DLGAP1: variants seen among roughly 807,000 people sequenced by gnomAD.
The protein encoded by DLGAP1 is DLG associated protein 1, also known as disks large-associated protein 1.
Under a neutral mutation model 90.8 loss-of-function variants are expected in DLGAP1, and 11 were observed. That is an observed-to-expected ratio of 0.12 (90% CI 0.08 to 0.20). DLGAP1 has a LOEUF of 0.20. DLGAP1 is among the 10% of genes least tolerant of loss of function. The probability of loss-of-function intolerance (pLI) is 1.00; values close to 1 mark genes in which losing one functional copy is unlikely to be tolerated. For synonymous variants in DLGAP1, 558 were observed against 540.7 expected, an observed-to-expected ratio of 1.03 and a Z score of -0.44; for missense variants, 1,050 against 1,333.8, an observed-to-expected ratio of 0.79 and a Z score of 3.31.
intron 4 of DLGAP1, among the ~76,000 whole-genome samples, chr18:3,829,139 C>T (rs1033495288): frequency 6.6e-6 from 1 of 152,248 alleles, no homozygotes; most frequent in Admixed American, 6.5e-5. Context: ...AAATCTGACT[C>T]TACTTAGACC....
intron 2 of DLGAP1, among the ~76,000 whole-genome samples, chr18:4,008,899 A>C (rs1014084124): frequency 4.6e-5 from 7 of 152,010 alleles, no homozygotes; most frequent in African/African-American, 1.7e-4. Flanking sequence ...AGTGACAGCC[A>C]CCGAGTCTCT....
intron 7 of DLGAP1, among the ~76,000 whole-genome samples, chr18:3,618,348 A>C (rs1319897968): frequency 6.6e-6 from 1 of 152,148 alleles, no homozygotes; most frequent in African/African-American, 2.4e-5. Flanking sequence ...TTCCGTATCA[A>C]AGCCATGCCT....
intron 1 of DLGAP1, among the ~76,000 whole-genome samples, chr18:4,405,137 A>G (rs1222943328): frequency 6.6e-6 from 1 of 152,206 alleles, no homozygotes. Context: ...TGGTTGAAAA[A>G]GAAAAGGGAT....
At chr18:4,211,196 C>T (rs2077833226) in intron 1 of DLGAP1, among the ~76,000 whole-genome samples, 1 of 152,122 alleles carries the variant, frequency 6.6e-6, no homozygotes, top group South Asian at 2.1e-4. Flanking sequence ...TAACAGATTT[C>T]CAGGCCTGTG....
chr18:3,933,247 T>C (rs1266231294), intron 3 of DLGAP1, among the ~76,000 whole-genome samples: 1 of 152,222 alleles, frequency 6.6e-6, no homozygotes, highest in Non-Finnish European at 1.5e-5. Context: ...GGAATTCAGA[T>C]GGCTTCTGCC....
At chr18:3,627,097 A>G (rs1567858682) in intron 7 of DLGAP1, among the ~76,000 whole-genome samples, 2 of 152,120 alleles carry the variant, frequency 1.3e-5, no homozygotes, top group South Asian at 4.1e-4. Context: ...CTAACATTTT[A>G]TTAGTGCTAG....
intron 7 of DLGAP1, among the ~76,000 whole-genome samples, chr18:3,589,976 T>C (rs1184174198): frequency 6.6e-6 from 1 of 152,222 alleles, no homozygotes; most frequent in Non-Finnish European, 1.5e-5. Flanking sequence ...AATGGCACCG[T>C]CTCGGCTCAC....
intron 1 of DLGAP1, among the ~76,000 whole-genome samples, chr18:4,166,771 C>A (rs1213411208): frequency 9.9e-5 from 15 of 152,156 alleles, no homozygotes; most frequent in South Asian, 2.1e-4. Flanking sequence ...GTGAAATAAA[C>A]CAAACACACA....
At chr18:3,674,332 G>T (rs1896089215) in intron 7 of DLGAP1, among the ~76,000 whole-genome samples, 1 of 125,208 alleles carries the variant, frequency 8.0e-6, no homozygotes, top group Non-Finnish European at 1.8e-5. Flanking sequence ...AAAAAATGCT[G>T]CCATGGCCAA....
At chr18:3,985,803 C>T (rs1342094903) in intron 3 of DLGAP1, among the ~76,000 whole-genome samples, 1 of 152,108 alleles carries the variant, frequency 6.6e-6, no homozygotes, top group Non-Finnish European at 1.5e-5. Context: ...TAAACAGCTG[C>T]TTACTCATTA....
At chr18:3,686,453 A>C (rs2060706315) in intron 7 of DLGAP1, among the ~76,000 whole-genome samples, 1 of 152,248 alleles carries the variant, frequency 6.6e-6, no homozygotes, top group Non-Finnish European at 1.5e-5. Flanking sequence ...TATGATAATA[A>C]TAAATATTGC....
chr18:3,908,721 A>C (rs1469057828), intron 3 of DLGAP1, among the ~76,000 whole-genome samples: 1 of 152,238 alleles, frequency 6.6e-6, no homozygotes, highest in Non-Finnish European at 1.5e-5. Context: ...AAACATGATA[A>C]GATTAGCAGG....
At chr18:3,625,125 T>C (rs902037589) in intron 7 of DLGAP1, among the ~76,000 whole-genome samples, 1 of 152,216 alleles carries the variant, frequency 6.6e-6, no homozygotes, top group Admixed American at 6.5e-5. Context: ...CATTCCTCTC[T>C]CCCGAGCAGG....
At chr18:3,628,890 A>G (rs554437289) in intron 7 of DLGAP1, among the ~76,000 whole-genome samples, 1 of 152,310 alleles carries the variant, frequency 6.6e-6, no homozygotes, top group East Asian at 1.9e-4. Flanking sequence ...ACATTTTACT[A>G]TAGATGGATA....
chr18:3,638,189 C>T (rs7240742), intron 7 of DLGAP1, among the ~76,000 whole-genome samples: 49,383 of 150,668 alleles, frequency 0.33, 8,622 homozygotes, highest in East Asian at 0.59. Flanking sequence ...CCTCATGATC[C>T]GCCCACCTAG....
chr18:4,042,393 A>G (rs548038184), intron 2 of DLGAP1, among the ~76,000 whole-genome samples: 54 of 152,306 alleles, frequency 3.5e-4, no homozygotes, highest in African/African-American at 1.3e-3. Flanking sequence ...ATACTTTATC[A>G]AGTTTGTATC....
At chr18:4,337,689 C>T (rs894949266) in intron 1 of DLGAP1, among the ~76,000 whole-genome samples, 1 of 151,694 alleles carries the variant, frequency 6.6e-6, no homozygotes, top group Non-Finnish European at 1.5e-5. Flanking sequence ...CAGCCGAAAC[C>T]AAAAAAATAC....
chr18:3,699,004 G>A (rs2061188272), intron 7 of DLGAP1, among the ~76,000 whole-genome samples: 1 of 152,020 alleles, frequency 6.6e-6, no homozygotes, highest in Non-Finnish European at 1.5e-5. Flanking sequence ...GGTCATTTAT[G>A]TTCTTCTCTA....
rs773973161 is a variant in DLGAP1 at position 3,711,887 on chromosome 18, C to T, written c.1591+17248G>A. Among the ~76,000 whole-genome samples the T allele has an allele frequency of 6.6e-6, 1 of 151,852 alleles. No individual in the cohort carries two copies. Among genetic ancestry groups the T allele is most frequent in the South Asian group, 2.1e-4 (1 of 4,798 alleles). The stretch of plus-strand genomic sequence containing the variant: ...TAAAAAAAGGAAGACAGAAATGCAT[C>T]GGAGTATGAGGTTGTGGTTTAGGGA... On this transcript the variant is annotated intron_variant, in intron 7 of 12. Coordinates refer to ENST00000315677, the MANE Select transcript of DLGAP1 (RefSeq NM_004746.4). This position sits in a 1 kb window ranked among gnomAD's most constrained non-coding sequence, Gnocchi z 4.0.
Sources: allele counts gnomAD v4.1 joint callset (sites outside exome capture counted in the v4.1 genomes callset), GRCh38; gene constraint gnomAD v4.1.1; non-coding constraint Gnocchi (gnomAD v3.1); transcripts MANE v1.5; gene names NCBI Gene and HGNC (gene_info 2026-07-23, HGNC 2026-07-21).